The following PRKG1 variants were observed in gnomAD, a reference collection of about 807,000 sequenced individuals.
PRKG1 encodes the protein cGMP-dependent protein kinase 1.
PRKG1 carries 35 observed loss-of-function variants against 88.1 expected under a neutral mutation model. That is an observed-to-expected ratio of 0.40 (90% CI 0.30 to 0.53). PRKG1 has a LOEUF of 0.53. Among genes scored for constraint, PRKG1 ranks in the 20% least tolerant of loss-of-function variants. The pLI is 0.59. For synonymous variants in PRKG1, 303 were observed against 292.5 expected (o/e 1.04, Z -0.37); for missense variants, 540 against 839.8 (o/e 0.64, Z 4.41).
chr10:52,069,203 T>G (rs1846431930), intron 7 of PRKG1, among the ~76,000 whole-genome samples: 1 of 152,260 alleles, frequency 6.6e-6, no homozygotes, highest in African/African-American at 2.4e-5. Context: ...TTCTTTGTTT[T>G]ATCTTCTGAT....
At chr10:51,156,593 C>A (rs1170620089) in intron 2 of PRKG1, among the ~76,000 whole-genome samples, 2 of 151,890 alleles carry the variant, frequency 1.3e-5, no homozygotes, top group Non-Finnish European at 2.9e-5. Context: ...TGTTGATTGC[C>A]TTCAATTAAA....
chr10:51,660,262 A>G (rs1390676957), intron 3 of PRKG1, among the ~76,000 whole-genome samples: 2 of 152,040 alleles, frequency 1.3e-5, no homozygotes, highest in East Asian at 1.9e-4. Context: ...AATGCTAGCT[A>G]TAATTATAAG....
At position 51,688,845 on chromosome 10, in the gene PRKG1, A is replaced by G. The variant is rs141771945; in HGVS notation, c.593-115740A>G. On this transcript the variant is annotated intron_variant, in intron 3 of 17. Coordinates refer to ENST00000373980, the MANE Select transcript of PRKG1 (RefSeq NM_006258.4). ...GGTATAAACTGGTTTACCATCTGATATGGTTTGGCTCTGTGTCCCCACTCA... is the reference window on the plus strand; with the variant it reads ...GGTATAAACTGGTTTACCATCTGATGTGGTTTGGCTCTGTGTCCCCACTCA... 1.7e-3 allele frequency among the ~76,000 whole-genome samples: 266 copies of G among 152,290 alleles called. 1 individual carries two copies. The highest frequency in any genetic ancestry group is 5.8e-3 in the African/African-American group (240 of 41,566).
chr10:51,999,823 G>A (rs1488433885), intron 5 of PRKG1, among the ~76,000 whole-genome samples: 1 of 152,012 alleles, frequency 6.6e-6, no homozygotes, highest in African/African-American at 2.4e-5. Flanking sequence ...AAGGGATCAT[G>A]AGATAAAAAG....
At chr10:52,020,673 C>G (rs1425174019) in intron 5 of PRKG1, among the ~76,000 whole-genome samples, 1 of 152,036 alleles carries the variant, frequency 6.6e-6, no homozygotes, top group Non-Finnish European at 1.5e-5. Context: ...GGCTGCCCAC[C>G]TGTGCAATGC....
chr10:51,459,446 T>G (rs1839682419), intron 2 of PRKG1, among the ~76,000 whole-genome samples: 1 of 152,194 alleles, frequency 6.6e-6, no homozygotes, highest in South Asian at 2.1e-4. Context: ...CTAAATTTTA[T>G]GAACCATGAC....
In PRKG1 at chr10:51,276,878, C is replaced by A. The variant is rs1840136233; in HGVS notation, c.478+123548C>A. Among the ~76,000 whole-genome samples the A allele has an allele frequency of 2.6e-5, 4 of 152,238 alleles. No individual in the cohort carries two copies. In the South Asian group the frequency reaches 8.3e-4, roughly 32 times the overall value. ...GGATATTAGCCCTTTGTCAGATGAG[C>A]AGATCACAAAAATTTTCTCCCATTC... On this transcript the variant is annotated intron_variant, in intron 2 of 17. Transcript: ENST00000373980.
intron 4 of PRKG1, among the ~76,000 whole-genome samples, chr10:51,867,875 C>A (rs916080097): frequency 4.6e-5 from 7 of 152,084 alleles, no homozygotes; most frequent in African/African-American, 9.7e-5. Flanking sequence ...AAAAAGTTAA[C>A]AAACATACAC....
At chr10:51,919,107 C>T (rs1405674065) in intron 5 of PRKG1, among the ~76,000 whole-genome samples, 10 of 152,122 alleles carry the variant, frequency 6.6e-5, no homozygotes, top group Non-Finnish European at 2.9e-5. Context: ...CTCCCCAAGA[C>T]CTTTGACTAC....
intron 3 of PRKG1, among the ~76,000 whole-genome samples, chr10:51,562,726 T>C (rs1267287528): frequency 6.6e-6 from 1 of 152,096 alleles, no homozygotes; most frequent in African/African-American, 2.4e-5. Flanking sequence ...TAAGTAACAA[T>C]CAACATTTAT....
intron 4 of PRKG1, among the ~76,000 whole-genome samples, chr10:51,848,591 A>G (rs1185654480): frequency 1.3e-5 from 2 of 151,950 alleles, no homozygotes; most frequent in Non-Finnish European, 2.9e-5. Context: ...GAGACAGAAG[A>G]TCATCAGGGA....
intron 3 of PRKG1, among the ~76,000 whole-genome samples, chr10:51,775,700 T>G (rs1838416654): frequency 6.6e-6 from 1 of 152,082 alleles, no homozygotes; most frequent in Non-Finnish European, 1.5e-5. Context: ...TTCTCCTGCC[T>G]CAGCCTCCTG....
intron 5 of PRKG1, among the ~76,000 whole-genome samples, chr10:52,010,993 T>C (rs1250489577): frequency 6.6e-6 from 1 of 152,206 alleles, no homozygotes; most frequent in Non-Finnish European, 1.5e-5. Flanking sequence ...TTTACTTGAT[T>C]CAAGCATGAA....
At position 51,207,660 on chromosome 10, in the gene PRKG1, A is replaced by G. The variant is rs533224572; in HGVS notation, c.478+54330A>G. The stretch of plus-strand genomic sequence containing the variant: ...ACAATATACTGCCCCCATTTCCTCT[A>G]CTTGTGATGATCCAAACGTTCCTTT... On this transcript the variant is annotated intron_variant, in intron 2 of 17. Transcript: ENST00000373980. Among the ~76,000 whole-genome samples the G allele has an allele frequency of 6.6e-5, 10 of 152,046 alleles. No individual in the cohort carries two copies. In the South Asian group the frequency reaches 8.3e-4, roughly 13 times the overall value.
chr10:52,015,151 T>C (rs1845005666), intron 5 of PRKG1, among the ~76,000 whole-genome samples: 1 of 152,220 alleles, frequency 6.6e-6, no homozygotes, highest in Admixed American at 6.5e-5. Context: ...ATTGCCCTAG[T>C]ATAGGTTCTC....
chr10:51,698,298 T>C, intron 3 of PRKG1: 1 of 1,614,146 alleles, frequency 6.2e-7, no homozygotes, highest in African/African-American at 1.3e-5. Flanking sequence ...CGAGTCTCCA[T>C]CGCTCGAGAA....
intron 2 of PRKG1, among the ~76,000 whole-genome samples, chr10:51,280,356 G>T (rs1840258494): frequency 6.6e-6 from 1 of 152,108 alleles, no homozygotes; most frequent in Admixed American, 6.5e-5. Flanking sequence ...TCTTGGAGTT[G>T]CTCTTCTTGA....
intron 2 of PRKG1, among the ~76,000 whole-genome samples, chr10:51,194,457 A>C (rs1464386739): frequency 6.6e-6 from 1 of 151,934 alleles, no homozygotes; most frequent in Non-Finnish European, 1.5e-5. Context: ...TCTCATAATG[A>C]AGTTTCTGTG....
At chr10:51,706,083 G>C (rs1841597064) in intron 3 of PRKG1, among the ~76,000 whole-genome samples, 1 of 152,166 alleles carries the variant, frequency 6.6e-6, no homozygotes, top group Non-Finnish European at 1.5e-5. Flanking sequence ...TGAAGCAATA[G>C]AGAAAATGTT....
Sources: allele counts gnomAD v4.1 joint callset (sites outside exome capture counted in the v4.1 genomes callset), GRCh38; gene constraint gnomAD v4.1.1; transcripts MANE v1.5; gene names NCBI Gene and HGNC (gene_info 2026-07-23, HGNC 2026-07-21).